PRKCZ: variants seen among roughly 807,000 people sequenced by gnomAD.
PRKCZ encodes the protein protein kinase C zeta type.
A neutral mutation model predicts 79.5 loss-of-function variants in PRKCZ; 33 were observed. That is an observed-to-expected ratio of 0.41 (90% CI 0.31 to 0.55). The LOEUF (loss-of-function observed/expected upper bound fraction) is 0.55. PRKCZ is among the 20% of genes least tolerant of loss of function. The pLI is 0.19. For synonymous variants in PRKCZ, 342 were observed against 320.9 expected (o/e 1.07, Z -0.70); for missense variants, 578 against 813.5 (o/e 0.71, Z 3.52).
At chr1:2,104,044 A>G (rs1309934025) in intron 4 of PRKCZ, among the ~76,000 whole-genome samples, 1 of 152,150 alleles carries the variant, frequency 6.6e-6, no homozygotes, top group Non-Finnish European at 1.5e-5. Context: ...TTCTCACCAC[A>G]TAATGAGGTT....
At chr1:2,054,074 C>T (rs13303289) in intron 1 of PRKCZ, among the ~76,000 whole-genome samples, 1 of 151,988 alleles carries the variant, frequency 6.6e-6, no homozygotes, top group Non-Finnish European at 1.5e-5. Context: ...GGCTGTGGAC[C>T]GATCCTGTGT....
intron 4 of PRKCZ, among the ~76,000 whole-genome samples, chr1:2,114,228 C>T (rs1670306463): frequency 6.9e-6 from 1 of 143,902 alleles, no homozygotes; most frequent in Non-Finnish European, 1.5e-5. Flanking sequence ...GCAGGTTCGT[C>T]TTGTGTGTTG....
At chr1:2,155,356 C>T (rs1244462135) in intron 9 of PRKCZ, among the ~76,000 whole-genome samples, 5 of 145,522 alleles carry the variant, frequency 3.4e-5, no homozygotes, top group South Asian at 2.3e-4. Context: ...GTGGTGATGA[C>T]GGTGATGATG....
intron 4 of PRKCZ, among the ~76,000 whole-genome samples, chr1:2,092,552 AAGG>A (rs1284643744): frequency 6.6e-6 from 1 of 152,194 alleles, no homozygotes; most frequent in Non-Finnish European, 1.5e-5. Flanking sequence ...TAGATTTTAA[AAGG>A]AGCAGTGGGG....
chr1:2,095,420 C>T (rs115064890), intron 4 of PRKCZ, among the ~76,000 whole-genome samples: 43 of 152,226 alleles, frequency 2.8e-4, no homozygotes, highest in Middle Eastern at 6.8e-3. Context: ...AGGCCACAAC[C>T]GGTGCCCAGT....
rs898815084 is a variant in PRKCZ, at chr1:2,128,519, T to C, written c.335-6743T>C. Among the ~76,000 whole-genome samples, 1 of 152,244 alleles carries C rather than the reference T, an allele frequency of 6.6e-6. No individual in the cohort carries two copies. The highest frequency in any genetic ancestry group is 1.5e-5 in the Non-Finnish European group (1 of 68,038). ...TGGAAACTGAGCTCCTTAGAATTCC[T>C]GTGGCCGTCCTAATTATAGAATCTC... is the stretch of plus-strand genomic sequence containing the variant. On this transcript the variant is annotated intron_variant, in intron 4 of 17. Coordinates refer to ENST00000378567, the MANE Select transcript of PRKCZ (RefSeq NM_002744.6). The surrounding 1 kb of genome is among the most constrained non-coding windows in gnomAD (Gnocchi z 6.5).
intron 3 of PRKCZ, 118 bp from the exon 4 acceptor site, chr1:2,059,423 C>T: frequency 8.1e-7 from 1 of 1,228,592 alleles, no homozygotes; most frequent in Non-Finnish European, 1.2e-6. Context: ...TTGGCAGTGC[C>T]ACGTGCGCCT....
rs545789851 is a variant in PRKCZ, at chr1:2,066,532, G to A, written c.334+6941G>A. ...TGATTTTTGTAATTTTAGTAGAGAT[G>A]TGGTTTCACATGTTGGCCAGGCTGG... On this transcript the variant is annotated intron_variant, in intron 4 of 17. Coordinates refer to ENST00000378567, the MANE Select transcript of PRKCZ (RefSeq NM_002744.6). 5.8e-4 allele frequency among the ~76,000 whole-genome samples: 89 copies of A among 152,312 alleles called. No homozygotes were observed. The South Asian group carries it at 0.017, about 29-fold the overall frequency.
At position 2,172,430 on chromosome 1, in the gene PRKCZ, C is replaced by G. The variant is rs1284596608; in HGVS notation, c.1285+42C>G. On this transcript the variant is annotated intron_variant, in intron 13 of 17. Coordinates refer to ENST00000378567, the MANE Select transcript of PRKCZ (RefSeq NM_002744.6). The surrounding 1 kb of genome is among the most constrained non-coding windows in gnomAD (Gnocchi z 7.8). ...TGGCCCCTCTCGGAGCACACAGGGC[C>G]AGAGATGGCTTCGGGCCTGGCCCAG... The G allele has an allele frequency of 6.3e-7, 1 of 1,580,708 alleles. No homozygotes were observed. The highest frequency in any genetic ancestry group is 8.6e-7 in the Non-Finnish European group (1 of 1,160,864).
At chr1:2,060,286 A>C (rs2247908) in intron 4 of PRKCZ, among the ~76,000 whole-genome samples, 1 of 152,068 alleles carries the variant, frequency 6.6e-6, no homozygotes, top group South Asian at 2.1e-4. Context: ...AGTGCCCTTC[A>C]GGCAGGGCTT....
intron 4 of PRKCZ, among the ~76,000 whole-genome samples, chr1:2,098,734 T>C (rs1206547322): frequency 6.6e-6 from 1 of 152,218 alleles, no homozygotes; most frequent in Non-Finnish European, 1.5e-5. Context: ...CAGGCTGGAG[T>C]GCAGTGGCGT....
chr1:2,089,234 T>G (rs1289228935), intron 4 of PRKCZ, among the ~76,000 whole-genome samples: 1 of 150,286 alleles, frequency 6.7e-6, no homozygotes, highest in African/African-American at 2.5e-5. Context: ...GCAGACGCCA[T>G]GAGGAAGGAC....
At chr1:2,138,837 G>C (rs986819273) in intron 5 of PRKCZ, among the ~76,000 whole-genome samples, 1 of 152,216 alleles carries the variant, frequency 6.6e-6, no homozygotes, top group African/African-American at 2.4e-5. Flanking sequence ...AGGAGTCTGA[G>C]GCAGGAGAAT....
At chr1:2,164,323 G>A (rs1682915049) in intron 10 of PRKCZ, among the ~76,000 whole-genome samples, 1 of 137,570 alleles carries the variant, frequency 7.3e-6, no homozygotes, top group Non-Finnish European at 1.6e-5. Flanking sequence ...GGTCCAGGGT[G>A]TTCTGCACAC....
At chr1:2,107,253 T>C (rs1471284140) in intron 4 of PRKCZ, among the ~76,000 whole-genome samples, 3 of 152,200 alleles carry the variant, frequency 2.0e-5, no homozygotes, top group African/African-American at 7.2e-5. Flanking sequence ...TGGGCTCCTG[T>C]GCGGAGGCCG....
rs1292611968 is a variant in PRKCZ at position 2,121,703 on chromosome 1, C to G, written c.335-13559C>G. Among the ~76,000 whole-genome samples the G allele has an allele frequency of 4.1e-4, 17 of 41,784 alleles. 5 individuals are homozygous for G. The highest frequency in any genetic ancestry group is 1.1e-3 in the Admixed American group (3 of 2,796). The allele number at this position is 41,784 out of a possible 152,430, so 27.4% of individuals were successfully genotyped here. ...TTAGGGTCACGGTGGTGGTTAGGGT[C>G]ACGGTGGTAGTTAGGGTCACGGCGG... On this transcript the variant is annotated intron_variant, in intron 4 of 17. Transcript: ENST00000378567.
intron 1 of PRKCZ, among the ~76,000 whole-genome samples, chr1:2,053,170 G>C (rs1306405888): frequency 6.7e-6 from 1 of 150,236 alleles, no homozygotes. Context: ...GTGTGGTCTC[G>C]GCCCACTGTA....
At position 2,165,247 on chromosome 1, in the gene PRKCZ, AT is replaced by A. The variant is rs1487104375; in HGVS notation, c.975-4267del. Among the ~76,000 whole-genome samples, 1 of 151,940 alleles carries A rather than the reference AT, an allele frequency of 6.6e-6. No individual in the cohort carries two copies. Among genetic ancestry groups the A allele is most frequent in the East Asian group, 1.9e-4 (1 of 5,180 alleles). On this transcript the variant is annotated intron_variant, in intron 10 of 17. Transcript: ENST00000378567. This position sits in a 1 kb window ranked among gnomAD's most constrained non-coding sequence, Gnocchi z 4.1. ...TCCTGCTCTCCGAGTCAGGAATCTG[AT>A]TTTCCAGCGTGCCCTGTAATGACGG... is the stretch of plus-strand genomic sequence containing the variant.
At chr1:2,176,744 C>T (rs887293097) in intron 16 of PRKCZ, among the ~76,000 whole-genome samples, 2 of 152,220 alleles carry the variant, frequency 1.3e-5, no homozygotes, top group Non-Finnish European at 2.9e-5. Flanking sequence ...CTTGTCCACA[C>T]AGCCCAACAA....
Sources: allele counts gnomAD v4.1 joint callset (sites outside exome capture counted in the v4.1 genomes callset), GRCh38; gene constraint gnomAD v4.1.1; non-coding constraint Gnocchi (gnomAD v3.1); transcripts MANE v1.5; gene names NCBI Gene and HGNC (gene_info 2026-07-23, HGNC 2026-07-21).